The following CD2AP variants were observed in gnomAD, a reference collection of about 807,000 sequenced individuals.
The protein encoded by CD2AP is CD2 associated protein, also known as CD2-associated protein.
Under a neutral mutation model 85.1 loss-of-function variants are expected in CD2AP, and 46 were observed. That is an observed-to-expected ratio of 0.54 (90% CI 0.43 to 0.69). CD2AP has a LOEUF of 0.69. Among genes scored for constraint, CD2AP ranks in the 30% least tolerant of loss-of-function variants. The probability of loss-of-function intolerance (pLI) is 0.00; values close to 1 mark genes in which losing one functional copy is unlikely to be tolerated. For missense variants in CD2AP, 769 were observed against 729.5 expected (o/e 1.05, Z -0.62); for synonymous variants, 255 against 252.9 (o/e 1.01, Z -0.08).
chr6:47,504,747 T>TA (rs1388266738), intron 2 of CD2AP, among the ~76,000 whole-genome samples: 3 of 152,202 alleles, frequency 2.0e-5, no homozygotes, highest in African/African-American at 4.8e-5. Flanking sequence ...GTAGAGCAGA[T>TA]ACCTCAATAA....
intron 5 of CD2AP, among the ~76,000 whole-genome samples, chr6:47,560,634 G>A (rs112876639): frequency 2.8e-4 from 42 of 151,970 alleles, no homozygotes; most frequent in African/African-American, 9.7e-4. Flanking sequence ...ATGGAGTGAC[G>A]ATGTCTTATG....
At chr6:47,584,405 C>T (rs1474194123) in intron 11 of CD2AP, among the ~76,000 whole-genome samples, 2 of 142,894 alleles carry the variant, frequency 1.4e-5, no homozygotes, top group African/African-American at 5.1e-5. Context: ...GTTGTAAGGT[C>T]ATTGTCTAGA....
chr6:47,584,840 C>T (rs1768578063), intron 11 of CD2AP, among the ~76,000 whole-genome samples: 1 of 152,028 alleles, frequency 6.6e-6, no homozygotes, highest in South Asian at 2.1e-4. Context: ...AAAAACTCAG[C>T]TTACCAAGAT....
chr6:47,480,119 G>A (rs1765407335), intron 1 of CD2AP, among the ~76,000 whole-genome samples: 1 of 152,070 alleles, frequency 6.6e-6, no homozygotes, highest in Non-Finnish European at 1.5e-5. Context: ...ATCAATGTTG[G>A]TATACTCTCG....
At chr6:47,594,319 G>A (rs924924354) in intron 11 of CD2AP, among the ~76,000 whole-genome samples, 1 of 151,954 alleles carries the variant, frequency 6.6e-6, no homozygotes, top group African/African-American at 2.4e-5. Flanking sequence ...TAAATATGTT[G>A]CCATCTTATA....
chr6:47,480,094 C>T (rs17217052), intron 1 of CD2AP, among the ~76,000 whole-genome samples: 57,765 of 151,920 alleles, frequency 0.38, 11,297 homozygotes, highest in Middle Eastern at 0.54. Flanking sequence ...GGTGAGTTTT[C>T]ATATAGACTT....
At chr6:47,618,403 T>TTAGGG (rs1769655350) in intron 17 of CD2AP, among the ~76,000 whole-genome samples, 1 of 152,188 alleles carries the variant, frequency 6.6e-6, no homozygotes, top group Admixed American at 6.5e-5. Context: ...ATTTTCACTG[T>TTAGGG]TAGGGTATGT....
intron 2 of CD2AP, among the ~76,000 whole-genome samples, chr6:47,508,887 G>T (rs1766247583): frequency 6.6e-6 from 1 of 152,116 alleles, no homozygotes; most frequent in African/African-American, 2.4e-5. Context: ...CTTATCATTG[G>T]TGTGTTCACT....
rs199770308 is a variant in CD2AP, at chr6:47,595,705, TAAA to T, written c.1109-154_1109-152del. Among the ~76,000 whole-genome samples, 986 of 152,190 alleles carry T rather than the reference TAAA, an allele frequency of 6.5e-3. 13 individuals are homozygous for T. The highest frequency in any genetic ancestry group is 0.023 in the African/African-American group (940 of 41,542). ...GGATTATTAAATTAAAATATAACTT[TAAA>T]ATAAGTAAAACAGTGCACATGTATA... On this transcript the variant is annotated intron_variant, in intron 11 of 17. Coordinates refer to ENST00000359314, the MANE Select transcript of CD2AP (RefSeq NM_012120.3).
chr6:47,611,650 A>G (rs1399868331), intron 16 of CD2AP, among the ~76,000 whole-genome samples: 1 of 151,948 alleles, frequency 6.6e-6, no homozygotes, highest in Non-Finnish European at 1.5e-5. Context: ...AGTATTCTCA[A>G]GAATTTTTCA....
chr6:47,485,764 A>G (rs1640163099), intron 1 of CD2AP, among the ~76,000 whole-genome samples: 1 of 152,038 alleles, frequency 6.6e-6, no homozygotes, highest in South Asian at 2.1e-4. Context: ...CTTATACTGT[A>G]TTTTTACTAT....
chr6:47,568,884 G>A lies in CD2AP; in HGVS notation c.542-5180G>A, dbSNP rs144535252. 4.1e-3 allele frequency among the ~76,000 whole-genome samples: 620 copies of A among 152,280 alleles called. 2 individuals carry two copies. Among genetic ancestry groups the A allele is most frequent in the African/African-American group, 0.014 (566 of 41,558 alleles). ...AGGAATGGACTGAGGAAGATTAACT[G>A]AAAAGAAGACCAAGAAAGCACAGAA... On this transcript the variant is annotated intron_variant, in intron 5 of 17. Coordinates refer to ENST00000359314, the MANE Select transcript of CD2AP (RefSeq NM_012120.3).
chr6:47,616,754 T>C (rs977601242), intron 17 of CD2AP, among the ~76,000 whole-genome samples: 4 of 152,174 alleles, frequency 2.6e-5, no homozygotes, highest in African/African-American at 9.7e-5. Context: ...AAAGTCTACT[T>C]TTGTGGTCTC....
chr6:47,620,678 G>A (rs748831939), intron 17 of CD2AP, among the ~76,000 whole-genome samples: 1 of 152,150 alleles, frequency 6.6e-6, no homozygotes. Context: ...ACCCATCCAC[G>A]AGCGTGGGAT....
At chr6:47,604,404 C>A (rs758601330) in intron 13 of CD2AP, among the ~76,000 whole-genome samples, 4 of 152,032 alleles carry the variant, frequency 2.6e-5, no homozygotes, top group Non-Finnish European at 5.9e-5. Context: ...AGACATTTTA[C>A]ATGAGCATGG....
At chr6:47,585,193 C>G (rs144280591) in intron 11 of CD2AP, among the ~76,000 whole-genome samples, 2,363 of 131,338 alleles carry the variant, frequency 0.018, 43 homozygotes, top group African/African-American at 0.04. Context: ...GTCCCAGCTA[C>G]TCAGGAGGCT....
intron 5 of CD2AP, among the ~76,000 whole-genome samples, chr6:47,573,022 G>T (rs1232726698): frequency 6.6e-6 from 1 of 151,928 alleles, no homozygotes; most frequent in Non-Finnish European, 1.5e-5. Context: ...CTAGAACTTT[G>T]TTTCTTACTT....
At chr6:47,588,735 TTATC>T (rs1768696000) in intron 11 of CD2AP, among the ~76,000 whole-genome samples, 1 of 152,104 alleles carries the variant, frequency 6.6e-6, no homozygotes, top group Non-Finnish European at 1.5e-5. Flanking sequence ...AGTGTACACT[TTATC>T]TTCAGACTGT....
At chr6:47,513,141 A>AC (rs1423392143) in intron 2 of CD2AP, among the ~76,000 whole-genome samples, 1 of 91,104 alleles carries the variant, frequency 1.1e-5, no homozygotes, top group Admixed American at 1.0e-4. Flanking sequence ...GAATCTGAAT[A>AC]CCTTTTTTTT....
Sources: allele counts gnomAD v4.1 joint callset (sites outside exome capture counted in the v4.1 genomes callset), GRCh38; gene constraint gnomAD v4.1.1; transcripts MANE v1.5; gene names NCBI Gene and HGNC (gene_info 2026-07-23, HGNC 2026-07-21).